IL5RA: variants seen among roughly 807,000 people sequenced by gnomAD.
IL5RA encodes interleukin 5 receptor subunit alpha.
In IL5RA, 49 loss-of-function variants were observed where a neutral mutation model predicts 50.0. That is an observed-to-expected ratio of 0.98 (90% confidence interval 0.78 to 1.24). IL5RA has a LOEUF of 1.24. Among genes scored for constraint, IL5RA ranks in the 50% most tolerant of loss-of-function variants. IL5RA has a pLI of 0.00. For missense variants in IL5RA, 600 were observed against 500.4 expected, an observed-to-expected ratio of 1.20 and a Z score of -1.90; for synonymous variants, 202 against 174.0, an observed-to-expected ratio of 1.16 and a Z score of -1.26.
In IL5RA at chr3:3,067,397, A is replaced by G. The variant is rs1189076928; in HGVS notation, c.*2828T>C. ...ATCAGGGCTGACAGAGGGTTTAAGAAACATTTATATTTTCTTAAGTCAGAT... is the reference window on the plus strand; with the variant it reads ...ATCAGGGCTGACAGAGGGTTTAAGAGACATTTATATTTTCTTAAGTCAGAT... On this transcript the variant is annotated 3_prime_UTR_variant, in exon 12 of 12. Coordinates refer to ENST00000446632, the MANE Select transcript of IL5RA (RefSeq NM_175726.4). 1 of 152,210 alleles carries G rather than the reference A, an allele frequency of 6.6e-6. No individual in the cohort carries two copies. Among genetic ancestry groups the G allele is most frequent in the African/African-American group, 2.4e-5 (1 of 41,448 alleles). 9.4% of individuals were successfully genotyped at this position (152,210 alleles called of 1,614,324 possible).
chr3:3,098,180 C>CA lies in IL5RA; in HGVS notation c.477dup (p.Gly160TrpfsTer6). The CA allele has an allele frequency of 6.2e-7, 1 of 1,614,084 alleles. No individual in the cohort carries two copies. The highest frequency in any genetic ancestry group is 8.5e-7 in the Non-Finnish European group (1 of 1,180,012). ...TGCGTGTCCTCAGGGGCATCTGTGC[C>CA]AACAAGCCAGGTGCAGTGAAGGGAA... On this transcript the variant is annotated frameshift_variant, in exon 6 of 12. Coordinates refer to ENST00000446632, the MANE Select transcript of IL5RA (RefSeq NM_175726.4). LOFTEE classifies it high-confidence loss of function.
intron 11 of IL5RA, among the ~76,000 whole-genome samples, chr3:3,073,344 A>C (rs1182489990): frequency 1.3e-5 from 2 of 152,178 alleles, no homozygotes; most frequent in African/African-American, 2.4e-5. Context: ...AAACTGTTTG[A>C]TCTAAATCAA....
Position 3,095,392 on chromosome 3 carries a change from G to C in IL5RA, c.762C>G (p.Leu254=), listed in dbSNP as rs147741728. ...ACACTGGTTTCTCCCATTGGATAGA[G>C]AGACGAGTTCCTTCAATCTCTGCTG... is the stretch of plus-strand genomic sequence containing the variant. ...NVTAEIEGTR[L]SIQWEKPVSA... The change falls in exon 8 of 12, where the codon CTC becomes CTG. Residue 254 remains leucine, a synonymous_variant. Transcript: ENST00000446632. 5.2e-4 allele frequency: 843 copies of C among 1,612,100 alleles called. 7 individuals are homozygous for C. The East Asian group carries it at 0.016, about 31-fold the overall frequency.
intron 8 of IL5RA, 97 bp downstream of exon 8, chr3:3,095,202 C>G: frequency 2.2e-6 from 2 of 902,128 alleles, no homozygotes; most frequent in Non-Finnish European, 3.4e-6. Flanking sequence ...CTTGTTAGTA[C>G]CAAGCTGTAA....
At chr3:3,077,980 T>C (rs1434192100) in intron 9 of IL5RA, among the ~76,000 whole-genome samples, 1 of 152,202 alleles carries the variant, frequency 6.6e-6, no homozygotes, top group African/African-American at 2.4e-5. Flanking sequence ...GCTCCTATTA[T>C]ATGTTTGGAA....
rs754595386 is a variant in IL5RA at position 3,095,350 on chromosome 3, A to G, written c.804T>C (p.His268=). 1.2e-5 allele frequency: 20 copies of G among 1,609,354 alleles called. No individual in the cohort carries two copies. The East Asian group carries it at 1.6e-4, about 13-fold the overall frequency. Residue 268 remains histidine, a synonymous_variant, in exon 8 of 12, where the codon CAT becomes CAC. Transcript: ENST00000446632. ...WEKPVSAFPI[H]CFDYEVKIHN... ...GTATTTTTACTTCATAATCAAAGCAATGGATTGGAAAAGCAGACACTGGTT... is the reference window on the plus strand; with the variant it reads ...GTATTTTTACTTCATAATCAAAGCAGTGGATTGGAAAAGCAGACACTGGTT...
chr3:3,096,691 A>G (rs1247788581), intron 7 of IL5RA, among the ~76,000 whole-genome samples: 1 of 152,134 alleles, frequency 6.6e-6, no homozygotes, highest in Non-Finnish European at 1.5e-5. Context: ...TTTATTGCCT[A>G]TTTTCATGAA....
chr3:3,088,903 C>G (rs1702979656), intron 9 of IL5RA, among the ~76,000 whole-genome samples: 1 of 152,202 alleles, frequency 6.6e-6, no homozygotes, highest in African/African-American at 2.4e-5. Flanking sequence ...AAAAATTAAA[C>G]TTCCACCTTA....
chr3:3,097,730 C>G, intron 7 of IL5RA, 140 bp downstream of exon 7: 1 of 870,326 alleles, frequency 1.1e-6, no homozygotes, highest in South Asian at 1.8e-5. Context: ...GAGAACCTTG[C>G]CCCAGTGGTT....
At chr3:3,106,207 A>G (rs899848576) in intron 2 of IL5RA, among the ~76,000 whole-genome samples, 1 of 152,234 alleles carries the variant, frequency 6.6e-6, no homozygotes, top group Non-Finnish European at 1.5e-5. Context: ...GGTACTAATT[A>G]CAATGATTTA....
chr3:3,103,516 G>T (rs190895059), intron 3 of IL5RA, among the ~76,000 whole-genome samples: 1 of 152,292 alleles, frequency 6.6e-6, no homozygotes, highest in East Asian at 1.9e-4. Context: ...GGTACATAAT[G>T]TAAAAATGTA....
At chr3:3,102,859 A>C in intron 3 of IL5RA, 39 bp from the exon 4 acceptor site, 1 of 1,570,544 alleles carries the variant, frequency 6.4e-7, no homozygotes, top group Non-Finnish European at 8.7e-7. Context: ...ACAATGTTCA[A>C]CTGGACATAG....
intron 7 of IL5RA, among the ~76,000 whole-genome samples, chr3:3,096,562 C>G (rs1179167655): frequency 6.6e-6 from 1 of 151,990 alleles, no homozygotes; most frequent in Non-Finnish European, 1.5e-5. Context: ...TTTAGTAATC[C>G]TAGGAATCAG....
chr3:3,079,206 G>C (rs1189567513), intron 9 of IL5RA, among the ~76,000 whole-genome samples: 2 of 152,082 alleles, frequency 1.3e-5, no homozygotes, highest in Non-Finnish European at 2.9e-5. Flanking sequence ...TCTTTTCCCA[G>C]GTTTTTATTC....
rs548086224 is a variant in IL5RA, at chr3:3,070,333, C to G, written c.1177-22G>C. The G allele has an allele frequency of 3.3e-5, 50 of 1,526,542 alleles. No individual in the cohort carries two copies. The Admixed American group carries it at 6.4e-4, about 19-fold the overall frequency. 94.6% of individuals were successfully genotyped at this position (1,526,542 alleles called of 1,614,324 possible). On this transcript the variant is annotated intron_variant, in intron 11 of 11. Coordinates refer to ENST00000446632, the MANE Select transcript of IL5RA (RefSeq NM_175726.4). Reference sequence around the variant, plus strand: ...CTTTCTGCAAAACAAATCATCTTTCCTTAGATGTCTTTTAGAGAACTTTTG... The same window carrying G: ...CTTTCTGCAAAACAAATCATCTTTCGTTAGATGTCTTTTAGAGAACTTTTG...
intron 2 of IL5RA, chr3:3,105,633 C>CT (rs371149500): frequency 7.0e-6 from 1 of 143,222 alleles, no homozygotes; most frequent in African/African-American, 2.6e-5. Flanking sequence ...TTCCCCCCCC[C>CT]ACCCCGCAAA....
rs568870001 is a variant in IL5RA, at chr3:3,096,358, C to T, written c.710-914G>A. Among the ~76,000 whole-genome samples the T allele has an allele frequency of 7.9e-5, 12 of 151,214 alleles. 1 individual carries two copies. The South Asian group carries it at 1.7e-3, about 21-fold the overall frequency. On this transcript the variant is annotated intron_variant, in intron 7 of 11. Coordinates refer to ENST00000446632, the MANE Select transcript of IL5RA (RefSeq NM_175726.4). ...TTTACTTAGGACTCTAATGTCCTTT[C>T]CCTTGAGATCTCACTTGATTGTCTT...
intron 4 of IL5RA, among the ~76,000 whole-genome samples, chr3:3,102,060 A>G (rs1306172754): frequency 6.6e-6 from 1 of 152,216 alleles, no homozygotes; most frequent in Non-Finnish European, 1.5e-5. Flanking sequence ...TTACAGTTAA[A>G]CTCAAGTTCC....
rs572307194 is a variant in IL5RA at position 3,092,061 on chromosome 3, G to A, written c.994+163C>T. ...ACTTAAAAACTTCACTGGCTTCATG[G>A]CAAATCTATTCCTGATTGAAAAGGC... On this transcript the variant is annotated intron_variant, in intron 9 of 11. Coordinates refer to ENST00000446632, the MANE Select transcript of IL5RA (RefSeq NM_175726.4). This position sits in a 1 kb window ranked among gnomAD's most constrained non-coding sequence, Gnocchi z 4.2. 20 of 1,383,300 alleles carry A rather than the reference G, an allele frequency of 1.4e-5. No homozygotes were observed. The African/African-American group carries it at 1.9e-4, about 13-fold the overall frequency. 85.7% of individuals were successfully genotyped at this position (1,383,300 alleles called of 1,614,324 possible). A position where few individuals can be genotyped will look rare whatever the true frequency, so the allele number is the denominator to read the frequency against.
Sources: allele counts gnomAD v4.1 joint callset (sites outside exome capture counted in the v4.1 genomes callset), GRCh38; gene constraint gnomAD v4.1.1; non-coding constraint Gnocchi (gnomAD v3.1); transcripts MANE v1.5; gene names NCBI Gene and HGNC (gene_info 2026-07-23, HGNC 2026-07-21).